The following SEC24D variants were observed in gnomAD, a reference collection of about 807,000 sequenced individuals.
SEC24D encodes SEC24 homolog D, COPII component.
SEC24D carries 69 observed loss-of-function variants against 116.9 expected under a neutral mutation model. The ratio of observed to expected loss-of-function variants is 0.59; its 90% CI spans 0.49 to 0.72. The LOEUF (loss-of-function observed/expected upper bound fraction) is 0.72, where lower values mean the gene tolerates loss of function less well. SEC24D is among the 30% of genes least tolerant of loss of function. The probability of loss-of-function intolerance (pLI) is 0.00; values close to 1 mark genes in which losing one functional copy is unlikely to be tolerated. For synonymous variants in SEC24D, 405 were observed against 442.8 expected (o/e 0.91, Z 1.07); for missense variants, 1,131 against 1,264.1 (o/e 0.89, Z 1.60).
chr4:118,777,450 CT>C (rs1260150272), intron 8 of SEC24D, among the ~76,000 whole-genome samples: 1 of 152,252 alleles, frequency 6.6e-6, no homozygotes, highest in South Asian at 2.1e-4. Context: ...TAAACTCATC[CT>C]TTTTTATGGC....
At chr4:118,805,478 G>C (rs531461708) in intron 7 of SEC24D, among the ~76,000 whole-genome samples, 12 of 152,266 alleles carry the variant, frequency 7.9e-5, no homozygotes, top group Non-Finnish European at 8.8e-5. Flanking sequence ...CTAGAACCAG[G>C]TCTGCTAACA....
At chr4:118,810,335 G>T (rs2110518813) in intron 6 of SEC24D, among the ~76,000 whole-genome samples, 1 of 152,182 alleles carries the variant, frequency 6.6e-6, no homozygotes, top group African/African-American at 2.4e-5. Context: ...AACCTAGGTA[G>T]GTAGATAGTA....
At chr4:118,759,601 T>C (rs894742780) in intron 10 of SEC24D, among the ~76,000 whole-genome samples, 5 of 152,192 alleles carry the variant, frequency 3.3e-5, no homozygotes, top group Admixed American at 2.6e-4. Flanking sequence ...ATCCAGCTCT[T>C]ATCCTAGATC....
chr4:118,788,000 G>T (rs1195536849), intron 8 of SEC24D, among the ~76,000 whole-genome samples: 3 of 152,020 alleles, frequency 2.0e-5, no homozygotes, highest in Non-Finnish European at 4.4e-5. Context: ...ATTTATTTTG[G>T]TAGACATGGG....
intron 9 of SEC24D, among the ~76,000 whole-genome samples, chr4:118,765,371 T>C (rs757708325): frequency 1.3e-5 from 2 of 152,258 alleles, no homozygotes; most frequent in African/African-American, 2.4e-5. Context: ...CATGTGGAGT[T>C]TGCATGGTAA....
chr4:118,752,564 G>T, intron 12 of SEC24D, 133 bp downstream of exon 12: 1 of 617,966 alleles, frequency 1.6e-6, no homozygotes, highest in South Asian at 2.3e-5. Context: ...TAACATAAAT[G>T]ATAGAGTTTT....
At chr4:118,780,906 G>GATTTTT (rs1728368824) in intron 8 of SEC24D, among the ~76,000 whole-genome samples, 13 of 106,074 alleles carry the variant, frequency 1.2e-4, no homozygotes, top group Non-Finnish European at 1.5e-4. Flanking sequence ...TGCAACCCCT[G>GATTTTT]CTTTTTTTTT....
At chr4:118,811,422 C>T (rs972767079) in intron 6 of SEC24D, among the ~76,000 whole-genome samples, 4 of 152,194 alleles carry the variant, frequency 2.6e-5, no homozygotes, top group Non-Finnish European at 5.9e-5. Flanking sequence ...ATTTTTGGGA[C>T]AAACACCAGT....
At chr4:118,742,668 A>C (rs548438893) in intron 15 of SEC24D, among the ~76,000 whole-genome samples, 111 of 152,362 alleles carry the variant, frequency 7.3e-4, no homozygotes, top group African/African-American at 2.6e-3. Flanking sequence ...GTCTCTATTC[A>C]TAATTTTATT....
Position 118,739,244 on chromosome 4 carries a change from C to T in SEC24D, c.2282G>A (p.Arg761Gln), listed in dbSNP as rs747525841. The T allele has an allele frequency of 1.4e-5, 23 of 1,613,468 alleles. No homozygotes were observed. Among genetic ancestry groups the T allele is most frequent in the Middle Eastern group, 1.6e-4 (1 of 6,080 alleles). Residue 761 changes from arginine (R) to glutamine (Q), a missense_variant, in exon 18 of 23, where the codon CGG becomes CAG. By Grantham distance (43) the Arg-to-Gln change is conservative. Coordinates refer to ENST00000280551, the MANE Select transcript of SEC24D (RefSeq NM_014822.4). ...YTTISGQRRL[R>Q]IHNLGLNCSS... ...GCAGTTTAAGCCAAGATTGTGAATC[C>T]GAAGTCTTCTTTGACCACTGATTGT...
chr4:118,780,907 C>CTTTTTT (rs143712578), intron 8 of SEC24D, among the ~76,000 whole-genome samples: 19 of 61,876 alleles, frequency 3.1e-4, no homozygotes, highest in East Asian at 1.3e-3. Context: ...GCAACCCCTG[C>CTTTTTT]TTTTTTTTTT....
intron 9 of SEC24D, 30 bp from the exon 10 acceptor site, chr4:118,764,947 T>C (rs753641315): frequency 7.8e-7 from 1 of 1,287,646 alleles, no homozygotes. Flanking sequence ...AAAGAAAATA[T>C]TTTGTTTTCA....
chr4:118,765,136 T>C (rs1359943682), intron 9 of SEC24D, among the ~76,000 whole-genome samples: 1 of 152,226 alleles, frequency 6.6e-6, no homozygotes, highest in Non-Finnish European at 1.5e-5. Context: ...AAAGAACATT[T>C]ATGATTTAGA....
At chr4:118,780,514 C>A (rs1728350568) in intron 8 of SEC24D, among the ~76,000 whole-genome samples, 2 of 152,168 alleles carry the variant, frequency 1.3e-5, no homozygotes, top group South Asian at 4.1e-4. Flanking sequence ...GAGTACTTTA[C>A]TTCCAACTAT....
At chr4:118,747,017 T>A (rs777017489) in intron 13 of SEC24D, among the ~76,000 whole-genome samples, 2 of 151,968 alleles carry the variant, frequency 1.3e-5, no homozygotes, top group Admixed American at 1.3e-4. Flanking sequence ...GCATATGTCT[T>A]CCACCGAAAA....
intron 8 of SEC24D, among the ~76,000 whole-genome samples, chr4:118,784,744 C>T (rs543413671): frequency 4.0e-5 from 6 of 151,160 alleles, no homozygotes; most frequent in Non-Finnish European, 5.9e-5. Flanking sequence ...TCCCTGCCCC[C>T]CCCCCCGCCA....
chr4:118,768,984 G>A (rs911514358), intron 8 of SEC24D, among the ~76,000 whole-genome samples: 1 of 152,116 alleles, frequency 6.6e-6, no homozygotes, highest in African/African-American at 2.4e-5. Context: ...ATTTTGCTAA[G>A]TTTCTTCATA....
In SEC24D at chr4:118,768,427, C is replaced by T. The variant is rs898613704; in HGVS notation, c.1042-116G>A. 1.7e-4 allele frequency: 125 copies of T among 745,616 alleles called. 1 individual carries two copies. The South Asian group carries it at 2.2e-3, about 13-fold the overall frequency. 46.2% of individuals were successfully genotyped at this position (745,616 alleles called of 1,614,324 possible). A position where few individuals can be genotyped will look rare whatever the true frequency, so the allele number is the denominator to read the frequency against. ...TTTTTTTTTTTGAGACAGAGTCTTG[C>T]TCTGTCACTCAGGCTAGAGTGCAAT... On this transcript the variant is annotated intron_variant, in intron 8 of 22. Coordinates refer to ENST00000280551, the MANE Select transcript of SEC24D (RefSeq NM_014822.4).
intron 2 of SEC24D, chr4:118,825,740 G>A: frequency 2.6e-6 from 1 of 377,624 alleles, no homozygotes; most frequent in Non-Finnish European, 5.1e-6. Flanking sequence ...CCACTTGCTT[G>A]TTTTCCCTCA....
Sources: allele counts gnomAD v4.1 joint callset (sites outside exome capture counted in the v4.1 genomes callset), GRCh38; gene constraint gnomAD v4.1.1; transcripts MANE v1.5; gene names NCBI Gene and HGNC (gene_info 2026-07-23, HGNC 2026-07-21).